The following GPR158 variants were observed in gnomAD, a reference collection of about 807,000 sequenced individuals.
GPR158 encodes metabotropic glycine receptor.
A neutral mutation model predicts 78.2 loss-of-function variants in GPR158; 30 were observed. That is an observed-to-expected ratio of 0.38 (90% CI 0.29 to 0.52). The LOEUF is 0.52. GPR158 is among the 20% of genes least tolerant of loss of function. The pLI is 0.83. For missense variants in GPR158, 1,463 were observed against 1,523.5 expected (o/e 0.96, Z 0.66); for synonymous variants, 581 against 591.1 (o/e 0.98, Z 0.25).
chr10:25,572,136 A>G (rs1324780769), intron 6 of GPR158, among the ~76,000 whole-genome samples: 2 of 152,266 alleles, frequency 1.3e-5, no homozygotes, highest in South Asian at 2.1e-4. Flanking sequence ...TGTTTGAGCA[A>G]TGTTTGCCTA....
chr10:25,356,933 G>A (rs1357783837), intron 2 of GPR158, among the ~76,000 whole-genome samples: 2 of 152,056 alleles, frequency 1.3e-5, no homozygotes, highest in African/African-American at 2.4e-5. Flanking sequence ...GGAGAGTTTG[G>A]AATTCCCTAG....
chr10:25,298,607 C>T (rs551565195), intron 2 of GPR158, among the ~76,000 whole-genome samples: 1 of 152,142 alleles, frequency 6.6e-6, no homozygotes, highest in Non-Finnish European at 1.5e-5. Flanking sequence ...CCTTTATCAG[C>T]TCAGCCAGAA....
chr10:25,371,692 T>C (rs1411147406), intron 2 of GPR158, among the ~76,000 whole-genome samples: 2 of 133,396 alleles, frequency 1.5e-5, no homozygotes, highest in East Asian at 2.0e-4. Context: ...TTACACCTTA[T>C]ACAAAAATCA....
At chr10:25,219,388 A>G (rs1290718433) in intron 1 of GPR158, among the ~76,000 whole-genome samples, 1 of 152,250 alleles carries the variant, frequency 6.6e-6, no homozygotes, top group Non-Finnish European at 1.5e-5. Context: ...GGATTAAGGC[A>G]TTAGGTTACT....
Position 25,577,359 on chromosome 10 carries a change from A to G in GPR158, c.1753+4472A>G, listed in dbSNP as rs1837116837. ...CTGTAGAGAGGGAGGCAATAGGCTT[A>G]ACCGTGAGGGTGGTGGGAAGACTTT... On this transcript the variant is annotated intron_variant, in intron 7 of 10. Transcript: ENST00000376351. Among the ~76,000 whole-genome samples the G allele has an allele frequency of 2.6e-5, 4 of 152,228 alleles. No individual in the cohort carries two copies. The South Asian group carries it at 8.3e-4, about 32-fold the overall frequency.
intron 3 of GPR158, among the ~76,000 whole-genome samples, chr10:25,409,740 A>C (rs1834560758): frequency 6.6e-6 from 1 of 152,156 alleles, no homozygotes; most frequent in Admixed American, 6.5e-5. Context: ...ATAATTCCTC[A>C]ATTTCCAATG....
rs146611525 is a variant in GPR158, at chr10:25,527,491, C to T, written c.1405-23485C>T. 8.9e-3 allele frequency among the ~76,000 whole-genome samples: 1,352 copies of T among 151,906 alleles called. 22 individuals carry two copies. The highest frequency in any genetic ancestry group is 0.031 in the African/African-American group (1,281 of 41,446). Reference sequence around the variant, plus strand: ...AATTAAACAATTTTTAAACAATTAGCGTGTAAAACAAGAAAATGGAAATTA... The same window carrying T: ...AATTAAACAATTTTTAAACAATTAGTGTGTAAAACAAGAAAATGGAAATTA... On this transcript the variant is annotated intron_variant, in intron 5 of 10. Transcript: ENST00000376351.
intron 7 of GPR158, 26 bp downstream of exon 7, chr10:25,572,913 TGGTCTTACCA>T: frequency 7.8e-7 from 1 of 1,288,590 alleles, no homozygotes; most frequent in Non-Finnish European, 1.1e-6. Context: ...TTTCGTATGA[TGGTCTTACCA>T]TTTTTCAGTA....
chr10:25,511,974 C>T (rs1836092631), intron 5 of GPR158, among the ~76,000 whole-genome samples: 1 of 152,032 alleles, frequency 6.6e-6, no homozygotes, highest in Non-Finnish European at 1.5e-5. Context: ...TGTGATGCCT[C>T]CATATTTGTT....
intron 5 of GPR158, among the ~76,000 whole-genome samples, chr10:25,549,361 A>G (rs1051855787): frequency 6.6e-6 from 1 of 152,122 alleles, no homozygotes; most frequent in African/African-American, 2.4e-5. Flanking sequence ...CTATTGAACT[A>G]CTATGCAAAG....
At chr10:25,352,050 C>G (rs1855480933) in intron 2 of GPR158, among the ~76,000 whole-genome samples, 1 of 151,866 alleles carries the variant, frequency 6.6e-6, no homozygotes, top group Non-Finnish European at 1.5e-5. Context: ...CATACTTTAT[C>G]CCCTCCCAGT....
At chr10:25,521,835 A>G (rs1327312428) in intron 5 of GPR158, among the ~76,000 whole-genome samples, 1 of 152,196 alleles carries the variant, frequency 6.6e-6, no homozygotes, top group Non-Finnish European at 1.5e-5. Flanking sequence ...AATCCTACAG[A>G]TATTAGTTTA....
chr10:25,424,175 GTCT>G (rs1834789250), intron 4 of GPR158, among the ~76,000 whole-genome samples: 1 of 152,132 alleles, frequency 6.6e-6, no homozygotes, highest in South Asian at 2.1e-4. Flanking sequence ...CTGCATAAAT[GTCT>G]TCTTTTGAGA....
At chr10:25,308,674 C>T (rs538468035) in intron 2 of GPR158, among the ~76,000 whole-genome samples, 18 of 152,144 alleles carry the variant, frequency 1.2e-4, no homozygotes, top group Admixed American at 2.0e-4. Flanking sequence ...TTTCATCTTG[C>T]GTAACTGAAA....
At chr10:25,392,218 A>C (rs1239081316) in intron 2 of GPR158, among the ~76,000 whole-genome samples, 1 of 152,216 alleles carries the variant, frequency 6.6e-6, no homozygotes, top group Non-Finnish European at 1.5e-5. Context: ...GTTCAGCTGC[A>C]GTCTCACAGG....
At chr10:25,357,468 C>T (rs1855569973) in intron 2 of GPR158, among the ~76,000 whole-genome samples, 1 of 152,106 alleles carries the variant, frequency 6.6e-6, no homozygotes, top group Admixed American at 6.5e-5. Context: ...TGGGCCAGGC[C>T]CAAGGTCCCC....
At chr10:25,496,146 C>T (rs1385185253) in intron 5 of GPR158, among the ~76,000 whole-genome samples, 1 of 152,154 alleles carries the variant, frequency 6.6e-6, no homozygotes, top group African/African-American at 2.4e-5. Context: ...TCCTCTATTA[C>T]ACTTGTCCCC....
At chr10:25,551,805 G>A (rs1836729206) in intron 6 of GPR158, among the ~76,000 whole-genome samples, 1 of 152,122 alleles carries the variant, frequency 6.6e-6, no homozygotes, top group Non-Finnish European at 1.5e-5. Flanking sequence ...GAGCATAGGA[G>A]ATAAACAATA....
chr10:25,223,517 T>G (rs942894622), intron 2 of GPR158, among the ~76,000 whole-genome samples: 3 of 152,192 alleles, frequency 2.0e-5, no homozygotes, highest in Non-Finnish European at 2.9e-5. Flanking sequence ...GTGTAGTTAC[T>G]GGGAATAGTC....
Sources: gnomAD v4.1 joint callset for allele counts (sites outside exome capture counted in the v4.1 genomes callset) on GRCh38, gnomAD v4.1.1 for gene constraint, MANE v1.5 for transcripts, NCBI Gene and HGNC (gene_info 2026-07-23, HGNC 2026-07-21) for gene names.